Variants in TMEM74 observed in about 807,000 individuals in gnomAD.
TMEM74 encodes the protein transmembrane protein 74.
In TMEM74, 13 loss-of-function variants were observed where a neutral mutation model predicts 18.1. The ratio of observed to expected loss-of-function variants is 0.72; its 90% CI spans 0.47 to 1.14. The LOEUF (loss-of-function observed/expected upper bound fraction) is 1.14. Ranked by LOEUF, TMEM74 falls within the 50% of genes most tolerant of loss-of-function variation. The pLI is 0.00. For missense variants in TMEM74, 372 were observed against 375.9 expected (o/e 0.99, Z 0.09); for synonymous variants, 159 against 146.6 (o/e 1.08, Z -0.61).
chr8:108,783,360 T>A lies in TMEM74; in HGVS notation c.*821A>T, dbSNP rs1294004813. On this transcript the variant is annotated 3_prime_UTR_variant, in exon 2 of 2. Transcript: ENST00000297459. ...AAATGTCTCATGCCTTGCCTCTTGC[T>A]GCTGGTGTGAGAACCAGCAGACTTC... 6.6e-6 allele frequency among the ~76,000 whole-genome samples: 1 copy of A among 152,236 alleles called. No homozygotes were observed. The highest frequency in any genetic ancestry group is 1.5e-5 in the Non-Finnish European group (1 of 68,036).
At chr8:108,769,181 CTG>C (rs1286256644) in intron 1 of TMEM74, among the ~76,000 whole-genome samples, 2 of 150,128 alleles carry the variant, frequency 1.3e-5, no homozygotes, top group African/African-American at 4.9e-5. Flanking sequence ...AAAAAAAAAT[CTG>C]GGCATGGTGT....
At chr8:108,768,225 T>G (rs576120422) in intron 1 of TMEM74, among the ~76,000 whole-genome samples, 16 of 152,194 alleles carry the variant, frequency 1.1e-4, no homozygotes, top group Non-Finnish European at 1.9e-4. Context: ...TAGTGACTAA[T>G]AATTCAAGCA....
chr8:108,660,029 C>T lies in TMEM74; in HGVS notation n.120-4592G>A, dbSNP rs535634553. Among the ~76,000 whole-genome samples the T allele has an allele frequency of 8.5e-5, 13 of 152,248 alleles. No individual in the cohort carries two copies. In the South Asian group the frequency reaches 2.1e-3, roughly 24 times the overall value. On this transcript the variant is annotated intron_variant and non_coding_transcript_variant, in intron 1 of 3. Coordinates refer to the TMEM74 transcript ENST00000518838. ...TTCATCTTCTCCTTCCACCTAACCC[C>T]GCTTCCTCTGCCTTCCTTCTACAGA...
At chr8:108,749,395 T>G (rs1290084965) in intron 1 of TMEM74, among the ~76,000 whole-genome samples, 1 of 152,200 alleles carries the variant, frequency 6.6e-6, no homozygotes, top group Non-Finnish European at 1.5e-5. Flanking sequence ...CCTAGGTATT[T>G]TATTCTTTTT....
At chr8:108,723,404 G>A (rs952855864) in intron 1 of TMEM74, among the ~76,000 whole-genome samples, 1 of 151,946 alleles carries the variant, frequency 6.6e-6, no homozygotes. Flanking sequence ...GGCTGACCAA[G>A]TTTGTAAATC....
intron 1 of TMEM74, among the ~76,000 whole-genome samples, chr8:108,662,497 A>G (rs1222382496): frequency 6.6e-6 from 1 of 152,114 alleles, no homozygotes; most frequent in Non-Finnish European, 1.5e-5. Flanking sequence ...GTGTTACATA[A>G]TGCCCTTCGT....
At chr8:108,704,846 T>C (rs567315118) in intron 1 of TMEM74, among the ~76,000 whole-genome samples, 2 of 152,218 alleles carry the variant, frequency 1.3e-5, no homozygotes, top group East Asian at 3.9e-4. Flanking sequence ...ATGTGTAAAA[T>C]AAAGGGGAGT....
chr8:108,775,512 G>A (rs1005093418), downstream of TMEM74, among the ~76,000 whole-genome samples: 6 of 152,066 alleles, frequency 3.9e-5, no homozygotes, highest in Non-Finnish European at 7.4e-5. Flanking sequence ...CATCAGTTCC[G>A]TGTGCCAATA....
chr8:108,748,007 A>T (rs1222949646), intron 1 of TMEM74, among the ~76,000 whole-genome samples: 1 of 152,186 alleles, frequency 6.6e-6, no homozygotes. Flanking sequence ...TATTGTGAAT[A>T]GTGCTGCAAT....
chr8:108,668,964 T>C (rs1003894704), intron 1 of TMEM74, among the ~76,000 whole-genome samples: 5 of 152,018 alleles, frequency 3.3e-5, no homozygotes, highest in Non-Finnish European at 4.4e-5. Flanking sequence ...TAATCCAGTT[T>C]ACATTGTAAT....
At chr8:108,608,012 A>G (rs1812293998) in intron 3 of TMEM74, among the ~76,000 whole-genome samples, 1 of 152,080 alleles carries the variant, frequency 6.6e-6, no homozygotes, top group Non-Finnish European at 1.5e-5. Flanking sequence ...GGCTATGTAG[A>G]GAACTAAACG....
chr8:108,701,653 C>T (rs1268433421), intron 1 of TMEM74, among the ~76,000 whole-genome samples: 1 of 151,870 alleles, frequency 6.6e-6, no homozygotes. Context: ...AATAGCACAC[C>T]CCAAAATGAA....
chr8:108,710,964 T>G (rs965142374), intron 1 of TMEM74, among the ~76,000 whole-genome samples: 1 of 152,222 alleles, frequency 6.6e-6, no homozygotes, highest in African/African-American at 2.4e-5. Flanking sequence ...GCCTGCGCTC[T>G]AAAATCATTG....
At chr8:108,639,605 C>T (rs2935771) in intron 2 of TMEM74, among the ~76,000 whole-genome samples, 33,250 of 152,070 alleles carry the variant, frequency 0.22, 3,658 homozygotes, top group East Asian at 0.27. Flanking sequence ...ACATGGGTGA[C>T]ACTCCACCTT....
chr8:108,742,387 T>C (rs1813809877), intron 1 of TMEM74, among the ~76,000 whole-genome samples: 1 of 152,224 alleles, frequency 6.6e-6, no homozygotes, highest in South Asian at 2.1e-4. Context: ...CAAAATTCAT[T>C]TTTAATGCAA....
Position 108,782,318 on chromosome 8 carries a change from G to A in TMEM74, c.*1863C>T, listed in dbSNP as rs1240546750. ...AAGCACAAAAATACAGCAACAGAAA[G>A]CAAAAATCATGTTTATGTCATCTCA... is the stretch of plus-strand genomic sequence containing the variant. On this transcript the variant is annotated 3_prime_UTR_variant, in exon 2 of 2. Transcript: ENST00000297459. Among the ~76,000 whole-genome samples, 1 of 152,056 alleles carries A rather than the reference G, an allele frequency of 6.6e-6. No individual in the cohort carries two copies. Among genetic ancestry groups the A allele is most frequent in the Non-Finnish European group, 1.5e-5 (1 of 67,988 alleles).
At chr8:108,641,315 A>T (rs1812662890) in intron 2 of TMEM74, among the ~76,000 whole-genome samples, 1 of 152,178 alleles carries the variant, frequency 6.6e-6, no homozygotes, top group Non-Finnish European at 1.5e-5. Context: ...ACAAAGAAAA[A>T]TAACAAAAAA....
chr8:108,688,089 G>A (rs565694880), intron 1 of TMEM74, among the ~76,000 whole-genome samples: 84 of 152,210 alleles, frequency 5.5e-4, no homozygotes, highest in Middle Eastern at 3.4e-3. Context: ...AATTCAAATC[G>A]AAGTAGAAAT....
chr8:108,672,670 A>T (rs1461173065), intron 1 of TMEM74, among the ~76,000 whole-genome samples: 2 of 152,186 alleles, frequency 1.3e-5, no homozygotes, highest in Non-Finnish European at 2.9e-5. Flanking sequence ...TATCCTTGTG[A>T]TTTCAAGTCA....
Sources: gnomAD v4.1 joint callset for allele counts (sites outside exome capture counted in the v4.1 genomes callset) on GRCh38, gnomAD v4.1.1 for gene constraint, MANE v1.5 for transcripts, NCBI Gene and HGNC (gene_info 2026-07-23, HGNC 2026-07-21) for gene names.